Variants in DDX11 observed in about 807,000 individuals in gnomAD.
DDX11 encodes the protein DEAD/H-box helicase 11.
A neutral mutation model predicts 125.2 loss-of-function variants in DDX11; 72 were observed. The ratio of observed to expected loss-of-function variants is 0.58; its 90% CI spans 0.48 to 0.70. DDX11 has a LOEUF of 0.70. Ranked by LOEUF, DDX11 falls within the 30% of genes least tolerant of loss-of-function variation. DDX11 has a pLI of 0.00. For missense variants in DDX11, 883 were observed against 1,165.0 expected, an observed-to-expected ratio of 0.76 and a Z score of 3.52; for synonymous variants, 347 against 452.6, an observed-to-expected ratio of 0.77 and a Z score of 2.96.
chr12:31,099,917 G>A (rs11051243), intron 18 of DDX11, among the ~76,000 whole-genome samples: 13,322 of 152,162 alleles, frequency 0.088, 731 homozygotes, highest in Middle Eastern at 0.21. Flanking sequence ...AAGCAAAAAC[G>A]TGTCTTCATT....
At position 31,093,311 on chromosome 12, in the gene DDX11, G is replaced by T. The variant is rs756218552; in HGVS notation, c.1356G>T (p.Val452=). The T allele has an allele frequency of 6.2e-7, 1 of 1,613,776 alleles. No homozygotes were observed. Among genetic ancestry groups the T allele is most frequent in the Non-Finnish European group, 8.5e-7 (1 of 1,179,798 alleles). Residue 452 remains valine (V), a synonymous_variant, in exon 12 of 27, where the codon GTG becomes GTT. Coordinates refer to ENST00000542838, the MANE Select transcript of DDX11 (RefSeq NM_030653.4). ...KQILYLLEKF[V]AVLGGNIKQN... Reference sequence around the variant, plus strand: ...TCCTGTATTTGCTGGAGAAATTCGTGGCTGTGCTAGGGGGTGAGAGCCTCG... The same window carrying T: ...TCCTGTATTTGCTGGAGAAATTCGTTGCTGTGCTAGGGGGTGAGAGCCTCG...
intron 14 of DDX11, 44 bp downstream of exon 14, chr12:31,094,866 C>G (rs1274146505): frequency 1.3e-6 from 2 of 1,594,150 alleles, no homozygotes; most frequent in Admixed American, 1.7e-5. Context: ...AATTTCCTTC[C>G]TGTCACCACC....
chr12:31,102,782 C>T (rs1009943584), intron 23 of DDX11, 154 bp from the exon 24 acceptor site: 3 of 767,364 alleles, frequency 3.9e-6, no homozygotes, highest in Non-Finnish European at 4.5e-6. Context: ...CGAACAAGCC[C>T]TCTCCAGGTG....
At chr12:31,102,803 A>C in intron 23 of DDX11, 133 bp from the exon 24 acceptor site, 2 of 804,922 alleles carry the variant, frequency 2.5e-6, no homozygotes, top group East Asian at 5.4e-5. Flanking sequence ...GTAGGTACAG[A>C]GTGGAGAGAG....
At chr12:31,098,785 AATT>A (rs1436607433) in intron 18 of DDX11, among the ~76,000 whole-genome samples, 1 of 152,100 alleles carries the variant, frequency 6.6e-6, no homozygotes, top group Non-Finnish European at 1.5e-5. Flanking sequence ...TGTTTACAGT[AATT>A]ATTGTTTCTG....
At chr12:31,098,355 A>C (rs1378594438) in intron 18 of DDX11, among the ~76,000 whole-genome samples, 1 of 152,286 alleles carries the variant, frequency 6.6e-6, no homozygotes, top group Non-Finnish European at 1.5e-5. Flanking sequence ...ATTTTTACTT[A>C]TGTGCATAGC....
intron 4 of DDX11, 143 bp from the exon 5 acceptor site, chr12:31,084,826 G>A (rs1942762303): frequency 2.8e-6 from 3 of 1,065,372 alleles, no homozygotes; most frequent in Non-Finnish European, 4.3e-6. Context: ...TTGAGGCGTG[G>A]ATCCTAGGAG....
rs150413968 is a variant in DDX11, at chr12:31,094,952, G to A, written c.1482+130G>A. On this transcript the variant is annotated intron_variant, in intron 14 of 26. Coordinates refer to ENST00000542838, the MANE Select transcript of DDX11 (RefSeq NM_030653.4). ...GATGTGTAATTACTTAACCCTTAAC[G>A]CAACATGCCTGTGAGACAAAAGTCA... 7.7e-4 allele frequency: 756 copies of A among 987,828 alleles called. 3 individuals carry two copies. The highest frequency in any genetic ancestry group is 5.8e-3 in the Middle Eastern group (28 of 4,854). 61.2% of individuals were successfully genotyped at this position (987,828 alleles called of 1,614,324 possible).
chr12:31,095,884 T>A (rs1945139193), intron 14 of DDX11, among the ~76,000 whole-genome samples: 1 of 152,074 alleles, frequency 6.6e-6, no homozygotes, highest in Non-Finnish European at 1.5e-5. Context: ...GGCTCCAAAC[T>A]CCTCATCTCT....
At chr12:31,103,553 G>C (rs746086316) in intron 25 of DDX11, 24 bp from the exon 26 acceptor site, 1 of 1,613,704 alleles carries the variant, frequency 6.2e-7, no homozygotes, top group South Asian at 1.1e-5. Flanking sequence ...GTTGCTCGGA[G>C]CCCCAGCCTC....
intron 5 of DDX11, 175 bp from the exon 6 acceptor site, chr12:31,087,763 G>A (rs1217516783): frequency 3.6e-6 from 4 of 1,110,486 alleles, no homozygotes; most frequent in Non-Finnish European, 5.2e-6. Context: ...GCGGCCATGG[G>A]AGGTTGGGGT....
chr12:31,101,914 T>C lies in DDX11; in HGVS notation c.2134T>C (p.Tyr712His), dbSNP rs374443650. Residue 712 changes from tyrosine to histidine, a missense_variant, in exon 21 of 27, where the codon TAC becomes CAC. Coordinates refer to ENST00000542838, the MANE Select transcript of DDX11 (RefSeq NM_030653.4). ...GGTCTGTTTCTTCCCCTCCTACGAG[T>C]ACCTGCGCCAGGTCCATGCCCACTG... The part of the protein sequence containing the change: ...GVVCFFPSYE[Y>H]LRQVHAHWEK... 1 of 1,613,846 alleles carries C rather than the reference T, an allele frequency of 6.2e-7. No homozygotes were observed. The highest frequency in any genetic ancestry group is 1.3e-5 in the African/African-American group (1 of 75,018).
chr12:31,078,982 C>T (rs549435525), intron 2 of DDX11, among the ~76,000 whole-genome samples: 3 of 152,200 alleles, frequency 2.0e-5, no homozygotes, highest in African/African-American at 7.2e-5. Flanking sequence ...TCACCGTGCC[C>T]GGCCTAAAGT....
At chr12:31,102,028 C>T (rs1373974910) in intron 21 of DDX11, 46 bp downstream of exon 21, 1 of 1,596,132 alleles carries the variant, frequency 6.3e-7, no homozygotes, top group Non-Finnish European at 8.5e-7. Context: ...GACAGTGCCA[C>T]TGAGTCCTCC....
chr12:31,086,086 A>G, intron 5 of DDX11: 1 of 454,390 alleles, frequency 2.2e-6, no homozygotes, highest in Non-Finnish European at 4.4e-6. Context: ...CGCTGCCCTG[A>G]ACTTCCTCCA....
intron 18 of DDX11, among the ~76,000 whole-genome samples, chr12:31,100,109 T>C (rs1946118610): frequency 6.6e-6 from 1 of 152,172 alleles, no homozygotes; most frequent in South Asian, 2.1e-4. Flanking sequence ...GTTTGGTATT[T>C]GTGGGCTGTA....
chr12:31,081,306 A>G (rs4031341), intron 2 of DDX11, among the ~76,000 whole-genome samples: 81,075 of 151,982 alleles, frequency 0.53, 22,745 homozygotes, highest in East Asian at 0.82. Context: ...CAGCCCATAG[A>G]AGCAGCCATG....
chr12:31,093,360 C>G (rs750936008), intron 12 of DDX11, 36 bp downstream of exon 12: 47 of 1,613,148 alleles, frequency 2.9e-5, no homozygotes, highest in Non-Finnish European at 4.0e-5. Flanking sequence ...CCCGGGCCTG[C>G]AAAACTCGCT....
At chr12:31,084,260 C>T (rs1175690027) in intron 3 of DDX11, among the ~76,000 whole-genome samples, 199 bp downstream of exon 3, 1 of 152,204 alleles carries the variant, frequency 6.6e-6, no homozygotes, top group Non-Finnish European at 1.5e-5. Context: ...GCCTTCTCCA[C>T]ATAAGGAACT....
Sources: gnomAD v4.1 joint callset for allele counts (sites outside exome capture counted in the v4.1 genomes callset) on GRCh38, gnomAD v4.1.1 for gene constraint, MANE v1.5 for transcripts, NCBI Gene and HGNC (gene_info 2026-07-23, HGNC 2026-07-21) for gene names.